ABCA5: variants seen among roughly 807,000 people sequenced by gnomAD.
The protein encoded by ABCA5 is ATP binding cassette subfamily A member 5, also known as cholesterol transporter ABCA5.
Under a neutral mutation model 206.0 loss-of-function variants are expected in ABCA5, and 163 were observed. That is an observed-to-expected ratio of 0.79 (90% CI 0.70 to 0.90). The LOEUF is 0.90. Ranked by LOEUF, ABCA5 falls within the 40% of genes least tolerant of loss-of-function variation. The pLI, the probability that ABCA5 is intolerant of heterozygous loss-of-function variation, is 0.00. For synonymous variants in ABCA5, 609 were observed against 613.8 expected (o/e 0.99, Z 0.11); for missense variants, 1,859 against 1,912.9 (o/e 0.97, Z 0.53).
intron 10 of ABCA5, 59 bp downstream of exon 10, chr17:69,297,132 A>C (rs901312432): frequency 6.7e-7 from 1 of 1,482,978 alleles, no homozygotes; most frequent in Admixed American, 2.1e-5. Context: ...TTTAAAGAAT[A>C]GGATTTAAAT....
chr17:69,315,405 AAG>A (rs1268529198), intron 1 of ABCA5: 2 of 152,272 alleles, frequency 1.3e-5, no homozygotes, highest in Non-Finnish European at 2.9e-5. Context: ...ACAGCCTGCT[AAG>A]AGAAAATATC....
chr17:69,266,181 T>C (rs758559502), intron 23 of ABCA5, among the ~76,000 whole-genome samples: 1 of 152,190 alleles, frequency 6.6e-6, no homozygotes, highest in Non-Finnish European at 1.5e-5. Flanking sequence ...AGAAAACTTA[T>C]TGTGATGCCA....
At chr17:69,301,748 T>G (rs905128477) in intron 8 of ABCA5, among the ~76,000 whole-genome samples, 4 of 152,206 alleles carry the variant, frequency 2.6e-5, no homozygotes, top group Non-Finnish European at 4.4e-5. Flanking sequence ...AAAGTATTCA[T>G]AGTAGATATT....
intron 1 of ABCA5, among the ~76,000 whole-genome samples, chr17:69,324,033 G>C (rs889577265): frequency 6.6e-5 from 10 of 152,138 alleles, no homozygotes; most frequent in Non-Finnish European, 8.8e-5. Context: ...TAAAGTTATT[G>C]AGACAGAGAC....
chr17:69,304,419 C>A (rs1567778715), intron 7 of ABCA5: 1 of 273,642 alleles, frequency 3.7e-6, no homozygotes, highest in East Asian at 6.8e-5. Context: ...ATAAAGACAA[C>A]AGATAGAGGA....
chr17:69,301,992 C>A (rs1481098625), intron 8 of ABCA5, among the ~76,000 whole-genome samples: 1 of 152,122 alleles, frequency 6.6e-6, no homozygotes, highest in African/African-American at 2.4e-5. Flanking sequence ...AATGAACTCT[C>A]AAAATGTATA....
chr17:69,307,796 A>G (rs2075733373), intron 5 of ABCA5, among the ~76,000 whole-genome samples: 1 of 152,128 alleles, frequency 6.6e-6, no homozygotes, highest in African/African-American at 2.4e-5. Context: ...TCAGATTTTG[A>G]TTCCAGCTCC....
intron 1 of ABCA5, among the ~76,000 whole-genome samples, chr17:69,320,985 G>C (rs1245940434): frequency 6.6e-6 from 1 of 152,088 alleles, no homozygotes; most frequent in Non-Finnish European, 1.5e-5. Flanking sequence ...TTGGGGAGAA[G>C]ACAGAGAAAC....
In ABCA5 at chr17:69,255,801, T is replaced by C. The variant is rs1451765703; in HGVS notation, c.3908A>G (p.Lys1303Arg). ...TACTTTTCTTGAAAGAAGAAAATCT[T>C]TCTTGTCATCATATTCTTTATGCAA... ...SNLHKEYDDK[K>R]DFLLSRKVKK... The change falls in exon 30 of 39, where the codon AAA (lysine) becomes AGA (arginine). Residue 1303 changes from lysine to arginine, a missense_variant. Coordinates refer to ENST00000392676, the MANE Select transcript of ABCA5 (RefSeq NM_172232.4). 1 of 1,595,010 alleles carries C rather than the reference T, an allele frequency of 6.3e-7. No homozygotes were observed. The highest frequency in any genetic ancestry group is 1.7e-4 in the Middle Eastern group (1 of 6,002).
intron 23 of ABCA5, among the ~76,000 whole-genome samples, chr17:69,265,153 G>A (rs1233003466): frequency 1.3e-5 from 2 of 152,076 alleles, no homozygotes; most frequent in Non-Finnish European, 2.9e-5. Context: ...CAGTAGTGCT[G>A]CCAAGAAACT....
chr17:69,313,360 C>A (rs775785240), intron 2 of ABCA5, 64 bp from the exon 3 acceptor site: 18 of 771,118 alleles, frequency 2.3e-5, no homozygotes, highest in Non-Finnish European at 3.5e-5. Flanking sequence ...ATCAAGATTT[C>A]TTGGCAAATA....
chr17:69,296,952 G>A (rs966397333), intron 10 of ABCA5, among the ~76,000 whole-genome samples: 20 of 152,270 alleles, frequency 1.3e-4, no homozygotes, highest in Admixed American at 1.2e-3. Flanking sequence ...GCGACAGAGC[G>A]AGATTCTGTC....
chr17:69,319,074 A>G (rs182840680), intron 1 of ABCA5: 138 of 300,262 alleles, frequency 4.6e-4, no homozygotes, highest in African/African-American at 2.9e-3. Context: ...TGTTAAATAA[A>G]CTTCTGTAAT....
At chr17:69,266,386 T>C (rs1409847703) in intron 23 of ABCA5, among the ~76,000 whole-genome samples, 1 of 152,012 alleles carries the variant, frequency 6.6e-6, no homozygotes, top group East Asian at 1.9e-4. Flanking sequence ...TGGGACAAAA[T>C]GTAAAGAGTA....
chr17:69,295,263 T>C (rs1350147732), intron 10 of ABCA5, among the ~76,000 whole-genome samples: 2 of 152,182 alleles, frequency 1.3e-5, no homozygotes, highest in East Asian at 1.9e-4. Flanking sequence ...GCAATTCAAC[T>C]TTTTCTTATA....
chr17:69,275,496 G>A (rs974679898), intron 19 of ABCA5, among the ~76,000 whole-genome samples: 1 of 151,958 alleles, frequency 6.6e-6, no homozygotes, highest in African/African-American at 2.4e-5. Context: ...AAAGCATATG[G>A]CATTGATCAA....
chr17:69,307,019 G>A (rs2075725099), intron 5 of ABCA5, 65 bp from the exon 6 acceptor site: 1 of 1,175,628 alleles, frequency 8.5e-7, no homozygotes. Context: ...TAGTAAAACG[G>A]GACAGCTATA....
intron 1 of ABCA5, among the ~76,000 whole-genome samples, chr17:69,320,610 A>G (rs1234767418): frequency 6.6e-6 from 1 of 152,252 alleles, no homozygotes; most frequent in Non-Finnish European, 1.5e-5. Flanking sequence ...TGTTTGATTG[A>G]AAAGAATGAA....
At chr17:69,284,147 A>G (rs1033275219) in intron 17 of ABCA5, 75 bp from the exon 18 acceptor site, 72 of 1,275,510 alleles carry the variant, frequency 5.6e-5, no homozygotes, top group Non-Finnish European at 7.2e-5. Context: ...TCCTTTAAAA[A>G]TAAGTTCATG....
Sources: gnomAD v4.1 joint callset for allele counts (sites outside exome capture counted in the v4.1 genomes callset) on GRCh38, gnomAD v4.1.1 for gene constraint, MANE v1.5 for transcripts, NCBI Gene and HGNC (gene_info 2026-07-23, HGNC 2026-07-21) for gene names.